Variants in TP53TG5 observed in about 807,000 individuals in gnomAD.
TP53TG5 encodes the protein TP53 target 5, also known as TP53-target gene 5 protein.
A neutral mutation model predicts 30.0 loss-of-function variants in TP53TG5; 17 were observed. The ratio of observed to expected loss-of-function variants is 0.57; its 90% CI spans 0.39 to 0.85. The LOEUF (loss-of-function observed/expected upper bound fraction) is 0.85. Among genes scored for constraint, TP53TG5 ranks in the 40% least tolerant of loss-of-function variants. The pLI is 0.00. For missense variants in TP53TG5, 338 were observed against 367.9 expected, an observed-to-expected ratio of 0.92 and a Z score of 0.67; for synonymous variants, 137 against 139.2, an observed-to-expected ratio of 0.98 and a Z score of 0.11.
intron 1 of TP53TG5, 41 bp downstream of exon 1, chr20:45,378,148 C>G: frequency 1.2e-6 from 2 of 1,613,650 alleles, no homozygotes; most frequent in Non-Finnish European, 1.7e-6. Flanking sequence ...GTTAAGGTCC[C>G]CTCTAGGGAC....
In TP53TG5 at chr20:45,373,639, G is replaced by C. The variant is rs1555870278; in HGVS notation, c.*268C>G. 2.0e-6 allele frequency: 1 copy of C among 493,780 alleles called. No homozygotes were observed. The highest frequency in any genetic ancestry group is 3.7e-6 in the Non-Finnish European group (1 of 272,044). 30.6% of individuals were successfully genotyped at this position (493,780 alleles called of 1,614,324 possible). On this transcript the variant is annotated 3_prime_UTR_variant, in exon 5 of 5. Coordinates refer to ENST00000372726, the MANE Select transcript of TP53TG5 (RefSeq NM_014477.3). ...TCTTGCGAGCTCGCGGGGCGATTGT[G>C]AGGCACTTTGCACCCAGGAAGCACA...
Position 45,373,907 on chromosome 20 carries a change from T to C in TP53TG5, c.873A>G (p.Ter291=), listed in dbSNP as rs1988634550. ...NGWRNSRVYK[*] Reference sequence around the variant, plus strand: ...CGTCTTAGGTGCCATATGGAAGATCTTATTTGTAGACTCGTGAATTTCGCC... The same window carrying C: ...CGTCTTAGGTGCCATATGGAAGATCCTATTTGTAGACTCGTGAATTTCGCC... Residue 291 remains the stop codon, a stop_retained_variant, in exon 5 of 5, where the codon TAA becomes TAG. Transcript: ENST00000372726. The C allele has an allele frequency of 5.6e-6, 9 of 1,613,704 alleles. No individual in the cohort carries two copies. The highest frequency in any genetic ancestry group is 6.8e-6 in the Non-Finnish European group (8 of 1,179,712).
chr20:45,376,847 G>A (rs948334350), intron 3 of TP53TG5: 1 of 170,814 alleles, frequency 5.9e-6, no homozygotes, highest in Non-Finnish European at 1.3e-5. Flanking sequence ...CAGTCTGCAG[G>A]TGACTCTCTG....
intron 3 of TP53TG5, chr20:45,375,968 T>G: frequency 5.9e-6 from 1 of 168,902 alleles, no homozygotes; most frequent in South Asian, 1.7e-4. Flanking sequence ...CCCCAGCTCA[T>G]AACAACACAA....
At chr20:45,376,493 A>T (rs1203694893) in intron 3 of TP53TG5, 1 of 152,394 alleles carries the variant, frequency 6.6e-6, no homozygotes, top group Admixed American at 6.5e-5. Flanking sequence ...GGATTCAGAC[A>T]AACGGGCTCA....
intron 2 of TP53TG5, 45 bp downstream of exon 2, chr20:45,377,494 A>C: frequency 6.2e-7 from 1 of 1,611,942 alleles, no homozygotes; most frequent in Non-Finnish European, 8.5e-7. Flanking sequence ...GTACTGCATG[A>C]GTATATGAGC....
rs1192682274 is a variant in TP53TG5, at chr20:45,375,042, G to A, written c.765C>T (p.Tyr255=). ...GCAGTGTTGTTGTCACACCCACCTTGTATGGATGCCACATAGGCATTTCAA... is the reference window on the plus strand; with the variant it reads ...GCAGTGTTGTTGTCACACCCACCTTATATGGATGCCACATAGGCATTTCAA... ...ASLEMPMWHP[Y]KVDVTWTRAR... Residue 255 remains tyrosine, a synonymous_variant, in exon 4 of 5, where the codon TAC becomes TAT. Coordinates refer to ENST00000372726, the MANE Select transcript of TP53TG5 (RefSeq NM_014477.3). 6.2e-7 allele frequency: 1 copy of A among 1,612,614 alleles called. No individual in the cohort carries two copies. The highest frequency in any genetic ancestry group is 1.3e-5 in the African/African-American group (1 of 75,006).
Position 45,373,600 on chromosome 20 carries a change from G to A in TP53TG5, c.*307C>T, listed in dbSNP as rs1988622568. Reference sequence around the variant, plus strand: ...CCTGGGCAAGTTACTTGCTGCCTCCGCGCCGCGGTTTCCTCTTGCGAGCTC... The same window carrying A: ...CCTGGGCAAGTTACTTGCTGCCTCCACGCCGCGGTTTCCTCTTGCGAGCTC... On this transcript the variant is annotated 3_prime_UTR_variant, in exon 5 of 5. Transcript: ENST00000372726. 2.5e-6 allele frequency: 1 copy of A among 401,798 alleles called. No individual in the cohort carries two copies. The allele number at this position is 401,798 out of a possible 1,614,324, so 24.9% of individuals were successfully genotyped here. A position where few individuals can be genotyped will look rare whatever the true frequency, so the allele number is the denominator to read the frequency against.
rs746467139 is a variant in TP53TG5, at chr20:45,375,109, C to T, written c.698G>A (p.Arg233His). The change falls in exon 4 of 5, where the codon CGT (arginine) becomes CAT (histidine). Residue 233 changes from arginine to histidine, a missense_variant. Coordinates refer to ENST00000372726, the MANE Select transcript of TP53TG5 (RefSeq NM_014477.3). ...PRVMCRSSTLRWVKRRCTRFC... is the reference protein window; with the variant it reads ...PRVMCRSSTLHWVKRRCTRFC... ...GCGGGTGCAGCGGCGCTTGACCCAACGCAGGGTGGAGGATCTGCACATCAC... is the reference window on the plus strand; with the variant it reads ...GCGGGTGCAGCGGCGCTTGACCCAATGCAGGGTGGAGGATCTGCACATCAC... 16 of 1,613,964 alleles carry T rather than the reference C, an allele frequency of 9.9e-6. No individual in the cohort carries two copies. Among genetic ancestry groups the T allele is most frequent in the Admixed American group, 3.3e-5 (2 of 60,006 alleles).
In TP53TG5 at chr20:45,373,852, C is replaced by A. The variant is rs900612188; in HGVS notation, c.*55G>T. Reference sequence around the variant, plus strand: ...GCCTCTTTCCTTCATCCTTCCCAGCCCCAGACAAACAGGCAGAGTAAGCAG... The same window carrying A: ...GCCTCTTTCCTTCATCCTTCCCAGCACCAGACAAACAGGCAGAGTAAGCAG... On this transcript the variant is annotated 3_prime_UTR_variant, in exon 5 of 5. Coordinates refer to ENST00000372726, the MANE Select transcript of TP53TG5 (RefSeq NM_014477.3). 1 of 1,549,274 alleles carries A rather than the reference C, an allele frequency of 6.5e-7. No individual in the cohort carries two copies. Among genetic ancestry groups the A allele is most frequent in the African/African-American group, 1.4e-5 (1 of 73,538 alleles).
chr20:45,374,700 C>T (rs1165218215), intron 4 of TP53TG5: 5 of 436,620 alleles, frequency 1.1e-5, no homozygotes, highest in East Asian at 7.6e-5. Flanking sequence ...TTTGGAAATC[C>T]TTAAACCCAC....
intron 4 of TP53TG5, 97 bp from the exon 5 acceptor site, chr20:45,374,108 T>C (rs1988644089): frequency 8.6e-7 from 1 of 1,156,304 alleles, no homozygotes; most frequent in African/African-American, 1.5e-5. Context: ...CTGTGGTGTC[T>C]GGTAGGTTGG....
At chr20:45,374,301 C>CT (rs1204080940) in intron 4 of TP53TG5, 2 of 696,758 alleles carry the variant, frequency 2.9e-6, no homozygotes, top group Non-Finnish European at 5.2e-6. Flanking sequence ...AAGACAGGGT[C>CT]TTGCTCTCTT....
At chr20:45,374,085 A>G in intron 4 of TP53TG5, 74 bp from the exon 5 acceptor site, 2 of 1,390,042 alleles carry the variant, frequency 1.4e-6, no homozygotes, top group Non-Finnish European at 2.0e-6. Flanking sequence ...GAGCGGGCGC[A>G]GGGACAAGGG....
chr20:45,377,755 G>A, intron 1 of TP53TG5, 142 bp from the exon 2 acceptor site: 1 of 723,584 alleles, frequency 1.4e-6, no homozygotes. Flanking sequence ...GGCCAACATG[G>A]TGAAACCCTG....
intron 3 of TP53TG5, chr20:45,376,881 G>A: frequency 4.6e-6 from 1 of 218,368 alleles, no homozygotes. Context: ...TGCAGGGGAG[G>A]AGGAGGAGGA....
At chr20:45,374,186 T>A in intron 4 of TP53TG5, 175 bp from the exon 5 acceptor site, 1 of 673,372 alleles carries the variant, frequency 1.5e-6, no homozygotes, top group Non-Finnish European at 2.7e-6. Flanking sequence ...CCCCCTTCCT[T>A]TCGTGGGACT....
Position 45,373,980 on chromosome 20 carries a change from G to C in TP53TG5, c.800C>G (p.Ala267Gly). 1 of 1,613,938 alleles carries C rather than the reference G, an allele frequency of 6.2e-7. No individual in the cohort carries two copies. Among genetic ancestry groups the C allele is most frequent in the South Asian group, 1.1e-5 (1 of 91,080 alleles). Residue 267 changes from alanine to glycine, a missense_variant, in exon 5 of 5, where the codon GCG (alanine) becomes GGG (glycine). By Grantham distance (60) the Ala-to-Gly change is moderately conservative. Coordinates refer to ENST00000372726, the MANE Select transcript of TP53TG5 (RefSeq NM_014477.3). ...ATGGCGCGATCTCCACCCTCTGCTC[G>C]CACCTCTGGCTCTCGTCCAGGTCAC... The part of the protein sequence containing the change: ...VDVTWTRARG[A>G]SRGWRSRHQL...
At position 45,373,623 on chromosome 20, in the gene TP53TG5, C is replaced by T. The variant is rs1988623148; in HGVS notation, c.*284G>A. 4 of 453,978 alleles carry T rather than the reference C, an allele frequency of 8.8e-6. No homozygotes were observed. In the South Asian group the frequency reaches 9.5e-5, roughly 11 times the overall value. 28.1% of individuals were successfully genotyped at this position (453,978 alleles called of 1,614,324 possible). ...CCGCGCCGCGGTTTCCTCTTGCGAGCTCGCGGGGCGATTGTGAGGCACTTT... is the reference window on the plus strand; with the variant it reads ...CCGCGCCGCGGTTTCCTCTTGCGAGTTCGCGGGGCGATTGTGAGGCACTTT... On this transcript the variant is annotated 3_prime_UTR_variant, in exon 5 of 5. Coordinates refer to ENST00000372726, the MANE Select transcript of TP53TG5 (RefSeq NM_014477.3).
Sources: gnomAD v4.1 joint callset for allele counts on GRCh38, gnomAD v4.1.1 for gene constraint, MANE v1.5 for transcripts, NCBI Gene and HGNC (gene_info 2026-07-23, HGNC 2026-07-21) for gene names.